Variants in HIC2 observed in about 807,000 individuals in gnomAD.
HIC2 encodes the protein HIC ZBTB transcriptional repressor 2.
A neutral mutation model predicts 39.5 loss-of-function variants in HIC2; 2 were observed. The observed-to-expected ratio is 0.05, with a 90% CI of 0.02 to 0.16. The LOEUF (loss-of-function observed/expected upper bound fraction) is 0.16, where lower values mean the gene tolerates loss of function less well. Among genes scored for constraint, HIC2 ranks in the 10% least tolerant of loss-of-function variants. The probability of loss-of-function intolerance (pLI) is 1.00; values close to 1 mark genes in which losing one functional copy is unlikely to be tolerated. For missense variants in HIC2, 713 were observed against 863.5 expected, an observed-to-expected ratio of 0.83 and a Z score of 2.18; for synonymous variants, 399 against 368.8, an observed-to-expected ratio of 1.08 and a Z score of -0.94.
chr22:21,430,796 G>A lies in HIC2; in HGVS notation c.-73-11963G>A, dbSNP rs1373487578. Among the ~76,000 whole-genome samples the A allele has an allele frequency of 2.0e-4, 10 of 50,668 alleles. No homozygotes were observed. The East Asian group carries it at 6.8e-3, about 34-fold the overall frequency. The allele number at this position is 50,668 out of a possible 152,430, so 33.2% of individuals were successfully genotyped here. ...TGAGGCAGGACAGTCGCTTGAACCC[G>A]GGCAGCAGAGGTCGCAGTGAGCCGA... On this transcript the variant is annotated intron_variant, in intron 1 of 2. Coordinates refer to ENST00000407464, the MANE Select transcript of HIC2 (RefSeq NM_015094.3).
chr22:21,447,504 T>G lies in HIC2; in HGVS notation c.*761T>G, dbSNP rs1010041616. 1 of 152,506 alleles carries G rather than the reference T, an allele frequency of 6.6e-6. No individual in the cohort carries two copies. The highest frequency in any genetic ancestry group is 1.5e-5 in the Non-Finnish European group (1 of 68,018). The allele number at this position is 152,506 out of a possible 1,614,324, so 9.4% of individuals were successfully genotyped here. A position where few individuals can be genotyped will look rare whatever the true frequency, so the allele number is the denominator to read the frequency against. ...TCCCCCGGCTCTGGCGCTGCAGGGG[T>G]GTCGGCGCGCCACCTCTCCAGGCCC... On this transcript the variant is annotated 3_prime_UTR_variant, in exon 3 of 3. Coordinates refer to ENST00000407464, the MANE Select transcript of HIC2 (RefSeq NM_015094.3).
rs887648840 is a variant in HIC2 at position 21,445,515 on chromosome 22, A to C, written c.620A>C (p.Asn207Thr). 6.3e-7 allele frequency: 1 copy of C among 1,598,026 alleles called. No individual in the cohort carries two copies. Among genetic ancestry groups the C allele is most frequent in the African/African-American group, 1.4e-5 (1 of 73,852 alleles). ...GATGAACTCTTTCTTGGTGGCTCTA[A>C]CCAGGATAGCGTGCAAGGTCTGGGC... ...SDDELFLGGS[N>T]QDSVQGLGRA... The change falls in exon 3 of 3, where the codon AAC (asparagine) becomes ACC (threonine). Residue 207 changes from asparagine to threonine, a missense_variant. Around this residue, in one of 5 missense-constraint regions of HIC2, gnomAD observed 457 missense variants for 420.2 expected, o/e 1.09. Coordinates refer to ENST00000407464, the MANE Select transcript of HIC2 (RefSeq NM_015094.3).
intron 2 of HIC2, among the ~76,000 whole-genome samples, chr22:21,443,298 G>A (rs1923620995): frequency 6.6e-6 from 1 of 152,240 alleles, no homozygotes; most frequent in Admixed American, 6.5e-5. Flanking sequence ...CTGAGTGCCA[G>A]CGGTGTTCCA....
chr22:21,438,137 T>G (rs532458931), intron 1 of HIC2, among the ~76,000 whole-genome samples: 21 of 152,362 alleles, frequency 1.4e-4, no homozygotes, highest in African/African-American at 5.0e-4. Context: ...CAGGCCTCCC[T>G]CCTGGCTGGG....
intron 1 of HIC2, among the ~76,000 whole-genome samples, chr22:21,425,714 C>CTTTTT (rs1326640678): frequency 5.0e-5 from 6 of 119,580 alleles, no homozygotes; most frequent in African/African-American, 1.9e-4. Context: ...TTAATTTTTT[C>CTTTTT]TTTTTTTTTT....
chr22:21,449,389 TATC>T lies in HIC2; in HGVS notation c.*2649_*2651del, dbSNP rs1433539196. The stretch of plus-strand genomic sequence containing the variant: ...GAAACAGGAATCAGAAAATAGCAGA[TATC>T]ATGTAGGAAAGAGAGGATAAACAAA... On this transcript the variant is annotated 3_prime_UTR_variant, in exon 3 of 3. Transcript: ENST00000407464. 9.2e-5 allele frequency: 14 copies of T among 152,336 alleles called. No individual in the cohort carries two copies. In the East Asian group the frequency reaches 1.1e-3, roughly 12 times the overall value. 9.4% of individuals were successfully genotyped at this position (152,336 alleles called of 1,614,324 possible). A position where few individuals can be genotyped will look rare whatever the true frequency, so the allele number is the denominator to read the frequency against.
rs748479481 is a variant in HIC2, at chr22:21,446,497, C to T, written c.1602C>T (p.Pro534=). The T allele has an allele frequency of 3.7e-6, 6 of 1,612,616 alleles. No individual in the cohort carries two copies. The highest frequency in any genetic ancestry group is 4.2e-6 in the Non-Finnish European group (5 of 1,180,022). Residue 534 remains proline (P), a synonymous_variant, in exon 3 of 3, where the codon CCC becomes CCT. Transcript: ENST00000407464. ...EKTHWLTRPF[P]CNICGKMFTQ... The stretch of plus-strand genomic sequence containing the variant: ...CGCACTGGCTGACACGGCCCTTCCC[C>T]TGCAACATCTGTGGCAAAATGTTCA...
At chr22:21,444,113 C>T (rs1923672643) in intron 2 of HIC2, among the ~76,000 whole-genome samples, 1 of 152,236 alleles carries the variant, frequency 6.6e-6, no homozygotes. Flanking sequence ...CTGCAGAGAC[C>T]AGCGGCGTCA....
At position 21,451,278 on chromosome 22, in the gene HIC2, A is replaced by G. The variant is rs1194864995; in HGVS notation, c.*4535A>G. 1 of 152,776 alleles carries G rather than the reference A, an allele frequency of 6.5e-6. No homozygotes were observed. The highest frequency in any genetic ancestry group is 2.1e-4 in the South Asian group (1 of 4,830). 9.5% of individuals were successfully genotyped at this position (152,776 alleles called of 1,614,324 possible). On this transcript the variant is annotated 3_prime_UTR_variant, in exon 3 of 3. Transcript: ENST00000407464. Reference sequence around the variant, plus strand: ...GGCCACCGCCGCTGTCACTTGTCACATTGAGTTCATGTCCCTTGAGAGTTT... The same window carrying G: ...GGCCACCGCCGCTGTCACTTGTCACGTTGAGTTCATGTCCCTTGAGAGTTT...
In HIC2 at chr22:21,445,526, G is replaced by T. The variant is rs766099957; in HGVS notation, c.631G>T (p.Val211Leu). The T allele has an allele frequency of 5.0e-6, 8 of 1,601,010 alleles. No individual in the cohort carries two copies. Among genetic ancestry groups the T allele is most frequent in the East Asian group, 2.2e-5 (1 of 44,760 alleles). The change falls in exon 3 of 3, where the codon GTG becomes TTG. Residue 211 changes from valine (V) to leucine (L), a missense_variant. Val to Leu is a conservative substitution (Grantham distance 32). Transcript: ENST00000407464. Reference protein sequence around the residue: ...LFLGGSNQDSVQGLGRAVCPA... With the variant: ...LFLGGSNQDSLQGLGRAVCPA... The stretch of plus-strand genomic sequence containing the variant: ...TCTTGGTGGCTCTAACCAGGATAGC[G>T]TGCAAGGTCTGGGCCGGGCTGTCTG...
chr22:21,444,738 C>T (rs1012076000), intron 2 of HIC2, among the ~76,000 whole-genome samples, 184 bp from the exon 3 acceptor site: 3 of 152,214 alleles, frequency 2.0e-5, no homozygotes, highest in Admixed American at 2.0e-4. Flanking sequence ...TGAGGTGACA[C>T]GTGTACTGCG....
rs80230662 is a variant in HIC2 at position 21,445,980 on chromosome 22, C to T, written c.1085C>T (p.Pro362Leu). 0.033 allele frequency: 51,549 copies of T among 1,561,972 alleles called. 947 individuals are homozygous for T. The highest frequency in any genetic ancestry group is 0.039 in the African/African-American group (2,873 of 73,398). Residue 362 changes from proline (P) to leucine (L), a missense_variant, in exon 3 of 3, where the codon CCG becomes CTG. Pro to Leu is a moderately conservative substitution (Grantham distance 98). This residue lies in a region of HIC2 where 457 missense variants were observed against 420.2 expected (regional missense o/e 1.09). Transcript: ENST00000407464. ...GAAGCAGGGCCCAAGGGTCCCTGCC[C>T]GGGAGAGGAGGGTGAGGGGGTCGGG... is the stretch of plus-strand genomic sequence containing the variant. ...RREAGPKGPC[P>L]GEEGEGVGDR... is the part of the protein sequence containing the mutation.
chr22:21,436,711 GAGC>G (rs1470930876), intron 1 of HIC2, among the ~76,000 whole-genome samples: 1 of 108,460 alleles, frequency 9.2e-6, no homozygotes. Context: ...GGCTTGCCCA[GAGC>G]AGTGAGCCCC....
rs1261478209 is a variant in HIC2, at chr22:21,445,655, C to T, written c.760C>T (p.Pro254Ser). 1.2e-6 allele frequency: 2 copies of T among 1,601,412 alleles called. No homozygotes were observed. The highest frequency in any genetic ancestry group is 8.5e-7 in the Non-Finnish European group (1 of 1,175,040). Residue 254 changes from proline (P) to serine (S), a missense_variant, in exon 3 of 3, where the codon CCA (proline) becomes TCA (serine). Coordinates refer to ENST00000407464, the MANE Select transcript of HIC2 (RefSeq NM_015094.3). ...GGGCTTGGACCTGTCCAAGAAAAGC[C>T]CACCCTTGCCCCCTGCCACCCCAGG... The part of the protein sequence containing the change: ...ELGLDLSKKS[P>S]PLPPATPGPH...
intron 1 of HIC2, 29 bp downstream of exon 1, chr22:21,417,589 C>A (rs1325782947): frequency 4.8e-5 from 7 of 147,198 alleles, no homozygotes; most frequent in African/African-American, 1.7e-4. Flanking sequence ...GGGCGGGGGG[C>A]GCGGGGAGCG....
rs779002500 is a variant in HIC2, at chr22:21,446,048, A to G, written c.1153A>G (p.Ser385Gly). ...NGILASGAGP[S>G]GPYGEPPYPC... ...CATCCTGGCTAGTGGGGCTGGCCCT[A>G]GCGGGCCCTATGGGGAGCCCCCCTA... is the stretch of plus-strand genomic sequence containing the variant. The change falls in exon 3 of 3, where the codon AGC becomes GGC. Residue 385 changes from serine to glycine, a missense_variant. Transcript: ENST00000407464. 1 of 1,602,692 alleles carries G rather than the reference A, an allele frequency of 6.2e-7. No homozygotes were observed. Among genetic ancestry groups the G allele is most frequent in the East Asian group, 2.2e-5 (1 of 44,734 alleles).
In HIC2 at chr22:21,451,365, CCAA is replaced by C. The variant is rs1394922966; in HGVS notation, c.*4624_*4626del. On this transcript the variant is annotated 3_prime_UTR_variant, in exon 3 of 3. Coordinates refer to ENST00000407464, the MANE Select transcript of HIC2 (RefSeq NM_015094.3). ...CCCAGTGTCATAGAAAAGCAATTCA[CCAA>C]CGACTGATCTCTCCATTCAGAAGTG... 2.6e-5 allele frequency: 4 copies of C among 152,804 alleles called. No individual in the cohort carries two copies. Among genetic ancestry groups the C allele is most frequent in the Non-Finnish European group, 5.9e-5 (4 of 68,048 alleles). The allele number at this position is 152,804 out of a possible 1,614,324, so 9.5% of individuals were successfully genotyped here.
chr22:21,446,196 C>T lies in HIC2; in HGVS notation c.1301C>T (p.Thr434Met), dbSNP rs371931792. 59 of 1,611,306 alleles carry T rather than the reference C, an allele frequency of 3.7e-5. No individual in the cohort carries two copies. In the East Asian group the frequency reaches 7.4e-4, roughly 20 times the overall value. ...HYMYRQEGYE[T>M]VSYGDNLYVC... ...ATGTACCGGCAGGAGGGCTACGAGACGGTGTCCTACGGGGACAACTTGTAT... is the reference window on the plus strand; with the variant it reads ...ATGTACCGGCAGGAGGGCTACGAGATGGTGTCCTACGGGGACAACTTGTAT... Residue 434 changes from threonine to methionine, a missense_variant, in exon 3 of 3, where the codon ACG becomes ATG. By Grantham distance (81) the Thr-to-Met change is moderately conservative. Around this residue, in one of 5 missense-constraint regions of HIC2, gnomAD observed 457 missense variants for 420.2 expected, o/e 1.09. Transcript: ENST00000407464.
chr22:21,443,715 C>T (rs895388314), intron 2 of HIC2, among the ~76,000 whole-genome samples: 2 of 152,160 alleles, frequency 1.3e-5, no homozygotes, highest in Non-Finnish European at 2.9e-5. Flanking sequence ...GGCATGCCTT[C>T]CCCAGCACCC....
Sources: allele counts gnomAD v4.1 joint callset (sites outside exome capture counted in the v4.1 genomes callset), GRCh38; gene constraint gnomAD v4.1.1; regional missense constraint gnomAD v4.1.1; transcripts MANE v1.5; gene names NCBI Gene and HGNC (gene_info 2026-07-23, HGNC 2026-07-21).